The following ZMYM2 variants were observed in gnomAD, a reference collection of about 807,000 sequenced individuals.
ZMYM2 encodes zinc finger MYM-type containing 2, also known as zinc finger MYM-type protein 2.
A neutral mutation model predicts 162.8 loss-of-function variants in ZMYM2; 56 were observed. That is an observed-to-expected ratio of 0.34 (90% confidence interval 0.28 to 0.43). The LOEUF (loss-of-function observed/expected upper bound fraction) is 0.43. Ranked by LOEUF, ZMYM2 falls within the 20% of genes least tolerant of loss-of-function variation. The probability of loss-of-function intolerance (pLI) is 1.00; values close to 1 mark genes in which losing one functional copy is unlikely to be tolerated. For synonymous variants in ZMYM2, 510 were observed against 541.6 expected (o/e 0.94, Z 0.81); for missense variants, 1,275 against 1,621.8 (o/e 0.79, Z 3.67).
chr13:20,060,312 C>T (rs1029533165), intron 16 of ZMYM2, among the ~76,000 whole-genome samples: 12 of 152,202 alleles, frequency 7.9e-5, no homozygotes, highest in South Asian at 4.1e-4. Context: ...TGTTCATCCT[C>T]GAGAGTGACA....
rs369874142 is a variant in ZMYM2 at position 19,993,253 on chromosome 13, G to T, written c.181G>T (p.Val61Phe). The T allele has an allele frequency of 1.2e-6, 2 of 1,613,956 alleles. No individual in the cohort carries two copies. Among genetic ancestry groups the T allele is most frequent in the Non-Finnish European group, 1.7e-6 (2 of 1,179,884 alleles). The stretch of plus-strand genomic sequence containing the variant: ...GTCAGTGGAAGATGATGATGATGTT[G>T]TTTTTATCGAACCTGTACAACCTCC... Reference protein sequence around the residue: ...NSSVEDDDDVVFIEPVQPPPP... With the variant: ...NSSVEDDDDVFFIEPVQPPPP... Residue 61 changes from valine (V) to phenylalanine (F), a missense_variant, in exon 3 of 25, where the codon GTT becomes TTT. Physicochemically the swap from Val to Phe is conservative, Grantham distance 50. Around this residue, in one of 10 missense-constraint regions of ZMYM2, gnomAD observed 295 missense variants for 286.7 expected, o/e 1.03. Coordinates refer to ENST00000610343, the MANE Select transcript of ZMYM2 (RefSeq NM_197968.4).
At chr13:19,977,816 C>G (rs1483281486) in intron 2 of ZMYM2, among the ~76,000 whole-genome samples, 1 of 150,924 alleles carries the variant, frequency 6.6e-6, no homozygotes, top group Non-Finnish European at 1.5e-5. Flanking sequence ...TCTATTATTG[C>G]TTTTTATGTT....
chr13:19,895,548 G>A, the ZMYM2 span, among the ~76,000 whole-genome samples: 1 of 151,852 alleles, frequency 6.6e-6, no homozygotes, highest in African/African-American at 2.4e-5. Context: ...GAGGGAGCTA[G>A]CTCTGGTCTC....
At chr13:20,020,133 G>T (rs368111144) in intron 7 of ZMYM2, among the ~76,000 whole-genome samples, 5 of 151,850 alleles carry the variant, frequency 3.3e-5, no homozygotes, top group African/African-American at 4.8e-5. Context: ...TCAATAGAGC[G>T]TATTCAAATT....
chr13:19,952,244 G>A, the ZMYM2 span, among the ~76,000 whole-genome samples: 2 of 152,134 alleles, frequency 1.3e-5, no homozygotes, highest in Admixed American at 6.6e-5. Flanking sequence ...TGGCATGAGA[G>A]TTTGGTGGAA....
chr13:19,965,383 G>T lies in ZMYM2; in HGVS notation c.-11+5357G>T, dbSNP rs1955653430. 3 of 580,652 alleles carry T rather than the reference G, an allele frequency of 5.2e-6. No individual in the cohort carries two copies. The Admixed American group carries it at 1.0e-4, about 20-fold the overall frequency. 36.0% of individuals were successfully genotyped at this position (580,652 alleles called of 1,614,324 possible). A position where few individuals can be genotyped will look rare whatever the true frequency, so the allele number is the denominator to read the frequency against. The stretch of plus-strand genomic sequence containing the variant: ...TTTTATAATCATTCATTTCAAAGAG[G>T]TATGTCTTTTTCCTAGGAAGAATAG... On this transcript the variant is annotated intron_variant, in intron 2 of 24. Transcript: ENST00000610343.
chr13:19,973,595 C>T (rs529049900), intron 2 of ZMYM2, among the ~76,000 whole-genome samples: 24 of 143,892 alleles, frequency 1.7e-4, no homozygotes, highest in Non-Finnish European at 2.7e-4. Flanking sequence ...TGCCTGAACC[C>T]GGGAGGCAGA....
intron 21 of ZMYM2, among the ~76,000 whole-genome samples, chr13:20,080,577 C>T (rs1957845223): frequency 6.6e-6 from 1 of 151,928 alleles, no homozygotes; most frequent in Non-Finnish European, 1.5e-5. Context: ...GCAGCTTTGA[C>T]CTCCCAGGCT....
In ZMYM2 at chr13:19,963,387, A is replaced by G. The variant is rs146383568; in HGVS notation, c.-11+3361A>G. Among the ~76,000 whole-genome samples the G allele has an allele frequency of 8.1e-4, 124 of 152,366 alleles. 2 individuals carry two copies. The highest frequency in any genetic ancestry group is 1.6e-4 in the Non-Finnish European group (11 of 68,036). On this transcript the variant is annotated intron_variant, in intron 2 of 24. Coordinates refer to ENST00000610343, the MANE Select transcript of ZMYM2 (RefSeq NM_197968.4). Reference sequence around the variant, plus strand: ...AAGTTCTAATGCAGGTCTCCAATATATAACACTTACAAAGTTGTCAATGAG... The same window carrying G: ...AAGTTCTAATGCAGGTCTCCAATATGTAACACTTACAAAGTTGTCAATGAG...
intron 7 of ZMYM2, 59 bp from the exon 8 acceptor site, chr13:20,026,553 A>G: frequency 6.7e-7 from 1 of 1,497,802 alleles, no homozygotes; most frequent in Non-Finnish European, 8.9e-7. Context: ...AAAAATTGGT[A>G]ATTCTTTTCT....
intron 9 of ZMYM2, chr13:20,027,986 G>A (rs897482270): frequency 5.6e-6 from 1 of 178,314 alleles, no homozygotes; most frequent in Non-Finnish European, 1.2e-5. Flanking sequence ...AAATTTCAGG[G>A]TATTACCCAA....
chr13:20,087,260 G>T lies in ZMYM2; in HGVS notation c.*1246G>T. 5.4e-6 allele frequency: 1 copy of T among 184,862 alleles called. No homozygotes were observed. Among genetic ancestry groups the T allele is most frequent in the Non-Finnish European group, 1.1e-5 (1 of 87,572 alleles). The allele number at this position is 184,862 out of a possible 1,614,324, so 11.5% of individuals were successfully genotyped here. A position where few individuals can be genotyped will look rare whatever the true frequency, so the allele number is the denominator to read the frequency against. ...TTGGCTTTTGAAATTACTTCTTATAGAAGATTGCATTAAAAAAAAAAACAA... is the reference window on the plus strand; with the variant it reads ...TTGGCTTTTGAAATTACTTCTTATATAAGATTGCATTAAAAAAAAAAACAA... On this transcript the variant is annotated 3_prime_UTR_variant, in exon 25 of 25. Coordinates refer to ENST00000610343, the MANE Select transcript of ZMYM2 (RefSeq NM_197968.4).
At chr13:19,969,459 A>G (rs1002785207) in intron 2 of ZMYM2, among the ~76,000 whole-genome samples, 3 of 152,242 alleles carry the variant, frequency 2.0e-5, no homozygotes, top group African/African-American at 7.2e-5. Flanking sequence ...GTGGGGTCGT[A>G]ATATAGTATA....
the ZMYM2 span, among the ~76,000 whole-genome samples, chr13:19,868,936 A>G: frequency 6.6e-6 from 1 of 152,112 alleles, no homozygotes; most frequent in African/African-American, 2.4e-5. Context: ...TTTTTAGTAG[A>G]GACGGGGTTT....
the ZMYM2 span, among the ~76,000 whole-genome samples, chr13:19,908,448 C>T: frequency 2.2e-4 from 33 of 152,170 alleles, no homozygotes; most frequent in African/African-American, 7.9e-4. Flanking sequence ...ATGAAGATTG[C>T]TTGGATGGTG....
At chr13:19,990,862 T>G (rs565854951) in intron 2 of ZMYM2, among the ~76,000 whole-genome samples, 25 of 152,262 alleles carry the variant, frequency 1.6e-4, no homozygotes, top group African/African-American at 5.8e-4. Context: ...TATCTACAAT[T>G]TAATCTATAG....
At chr13:19,949,581 G>A in the ZMYM2 span, among the ~76,000 whole-genome samples, 3 of 151,718 alleles carry the variant, frequency 2.0e-5, no homozygotes, top group African/African-American at 7.3e-5. Flanking sequence ...AACAGAGTAA[G>A]ACCCTGTTGA....
chr13:19,995,014 A>G (rs1949914524), intron 3 of ZMYM2, among the ~76,000 whole-genome samples: 1 of 149,472 alleles, frequency 6.7e-6, no homozygotes, highest in African/African-American at 2.5e-5. Flanking sequence ...AAAAAAAAAA[A>G]AAAAATTATT....
At chr13:19,953,232 C>T in the ZMYM2 span, among the ~76,000 whole-genome samples, 1 of 152,162 alleles carries the variant, frequency 6.6e-6, no homozygotes, top group Non-Finnish European at 1.5e-5. Flanking sequence ...ACAAAGCTAA[C>T]AAGTAGTGGA....
Sources: gnomAD v4.1 joint callset for allele counts (sites outside exome capture counted in the v4.1 genomes callset) on GRCh38, gnomAD v4.1.1 for gene constraint, gnomAD v4.1.1 regional missense constraint, MANE v1.5 for transcripts, NCBI Gene and HGNC (gene_info 2026-07-23, HGNC 2026-07-21) for gene names.